JCAD: variants seen among roughly 807,000 people sequenced by gnomAD.
JCAD encodes the protein junctional cadherin 5-associated protein.
A neutral mutation model predicts 98.0 loss-of-function variants in JCAD; 40 were observed. The observed-to-expected ratio is 0.41, with a 90% CI of 0.32 to 0.53. The LOEUF is 0.53. Among genes scored for constraint, JCAD ranks in the 20% least tolerant of loss-of-function variants. The pLI, the probability that JCAD is intolerant of heterozygous loss-of-function variation, is 0.31. For missense variants in JCAD, 1,705 were observed against 1,738.1 expected (o/e 0.98, Z 0.34); for synonymous variants, 691 against 682.3 (o/e 1.01, Z -0.20).
chr10:30,023,550 T>C lies in JCAD; in HGVS notation c.4045+2553A>G, dbSNP rs79815755. ...CACACAATGACAAAACTGCTAATGA[T>C]GCATTTCTCAGAGTGCAGCCCCATT... is the stretch of plus-strand genomic sequence containing the variant. On this transcript the variant is annotated intron_variant, in intron 3 of 3. Coordinates refer to ENST00000375377, the MANE Select transcript of JCAD (RefSeq NM_020848.4). 2.4e-3 allele frequency among the ~76,000 whole-genome samples: 361 copies of C among 152,282 alleles called. 7 individuals are homozygous for C. In the East Asian group the frequency reaches 0.047, roughly 20 times the overall value.
chr10:30,029,308 G>A lies in JCAD; in HGVS notation c.840C>T (p.Cys280=), dbSNP rs778999582. The A allele has an allele frequency of 2.5e-6, 4 of 1,613,710 alleles. No individual in the cohort carries two copies. The highest frequency in any genetic ancestry group is 3.4e-6 in the Non-Finnish European group (4 of 1,179,980). Reference sequence around the variant, plus strand: ...ACTTAGGCCGGGGAAATGGGGCTGAGCAGCCACTCTTCTCAGAATTCCTCG... The same window carrying A: ...ACTTAGGCCGGGGAAATGGGGCTGAACAGCCACTCTTCTCAGAATTCCTCG... The part of the protein sequence containing the change: ...DSTRNSEKSG[C]SAPFPRPKFG... Residue 280 remains cysteine (C), a synonymous_variant, in exon 3 of 4, where the codon TGC becomes TGT. Coordinates refer to ENST00000375377, the MANE Select transcript of JCAD (RefSeq NM_020848.4).
intron 2 of JCAD, among the ~76,000 whole-genome samples, chr10:30,034,083 T>G (rs1837059168): frequency 6.7e-6 from 1 of 150,362 alleles, no homozygotes; most frequent in Non-Finnish European, 1.5e-5. Flanking sequence ...ATCGGCCGGG[T>G]GTGGTGGCGG....
At chr10:30,031,257 G>C (rs1836983595) in intron 2 of JCAD, among the ~76,000 whole-genome samples, 1 of 151,950 alleles carries the variant, frequency 6.6e-6, no homozygotes, top group Non-Finnish European at 1.5e-5. Context: ...CTCCCAAGTA[G>C]CTGGGACTGA....
intron 1 of JCAD, among the ~76,000 whole-genome samples, chr10:30,080,717 C>T (rs1333786973): frequency 1.3e-5 from 2 of 152,130 alleles, no homozygotes; most frequent in African/African-American, 4.8e-5. Flanking sequence ...GGCCCCCTGG[C>T]CCATCAGCCT....
chr10:30,044,434 C>A (rs1483195427), intron 2 of JCAD, among the ~76,000 whole-genome samples: 1 of 152,022 alleles, frequency 6.6e-6, no homozygotes, highest in African/African-American at 2.4e-5. Flanking sequence ...AGCCCTCAAC[C>A]AAGAAACTGC....
At chr10:30,104,605 C>T (rs1463298570) in intron 1 of JCAD, among the ~76,000 whole-genome samples, 1 of 152,174 alleles carries the variant, frequency 6.6e-6, no homozygotes, top group African/African-American at 2.4e-5. Flanking sequence ...GGTTGAACAG[C>T]TACCTGTTGG....
intron 1 of JCAD, among the ~76,000 whole-genome samples, chr10:30,048,116 T>C (rs879944892): frequency 5.9e-5 from 9 of 152,222 alleles, no homozygotes; most frequent in Admixed American, 5.9e-4. Flanking sequence ...CACCCTTCGA[T>C]GGCTGCCTCT....
intron 1 of JCAD, among the ~76,000 whole-genome samples, chr10:30,095,015 C>T (rs552412860): frequency 9.2e-5 from 14 of 152,120 alleles, no homozygotes; most frequent in African/African-American, 2.9e-4. Context: ...GATTTCAGCC[C>T]GGGGTGGATC....
chr10:30,100,190 TA>T (rs546663081), intron 1 of JCAD, among the ~76,000 whole-genome samples: 189 of 152,256 alleles, frequency 1.2e-3, no homozygotes, highest in African/African-American at 4.5e-3. Flanking sequence ...GAATTAAAAA[TA>T]AAATTTTACA....
In JCAD at chr10:30,091,071, C is replaced by T. The variant is rs371626014; in HGVS notation, n.129-21250G>A. ...AATCATCAAAACTCTGGAGGAGTAA[C>T]AACATGGTAACTTAAAGACAACCGA... On this transcript the variant is annotated intron_variant and non_coding_transcript_variant, in intron 1 of 2. Coordinates refer to the JCAD transcript ENST00000465712. 7.4e-4 allele frequency among the ~76,000 whole-genome samples: 113 copies of T among 152,294 alleles called. 1 individual carries two copies. Among genetic ancestry groups the T allele is most frequent in the African/African-American group, 2.5e-3 (103 of 41,558 alleles).
upstream of JCAD, among the ~76,000 whole-genome samples, chr10:30,064,040 T>G (rs576597152): frequency 1.2e-4 from 18 of 152,046 alleles, no homozygotes; most frequent in Non-Finnish European, 2.4e-4. Flanking sequence ...CTCCTGACCT[T>G]GCGATCTGCC....
intron 2 of JCAD, among the ~76,000 whole-genome samples, chr10:30,042,949 A>G (rs1232966820): frequency 6.6e-6 from 1 of 152,234 alleles, no homozygotes; most frequent in Non-Finnish European, 1.5e-5. Context: ...AAACGCTGGT[A>G]AAGTTACCAG....
intron 1 of JCAD, among the ~76,000 whole-genome samples, chr10:30,083,729 C>T (rs1838122805): frequency 6.6e-6 from 1 of 152,162 alleles, no homozygotes; most frequent in African/African-American, 2.4e-5. Flanking sequence ...GTGTTTAAGC[C>T]ATAAGAAAGA....
At chr10:30,067,308 T>C (rs1837800896) in intron 2 of JCAD, among the ~76,000 whole-genome samples, 1 of 151,958 alleles carries the variant, frequency 6.6e-6, no homozygotes, top group Non-Finnish European at 1.5e-5. Flanking sequence ...AAGGGAGAGA[T>C]GAGAACTACC....
rs564398256 is a variant in JCAD at position 30,020,845 on chromosome 10, C to T, written c.4046-2928G>A. ...GTGTGCGGTCATGAAATTATGAGAA[C>T]GTGTGGAAGTCACACTTCGGCTAGT... On this transcript the variant is annotated intron_variant, in intron 3 of 3. Transcript: ENST00000375377. Among the ~76,000 whole-genome samples, 19 of 152,276 alleles carry T rather than the reference C, an allele frequency of 1.2e-4. 2 individuals carry two copies. The South Asian group carries it at 3.1e-3, about 25-fold the overall frequency.
In JCAD at chr10:30,059,030, A is replaced by C. The variant is rs1345706337; in HGVS notation, c.-60+452T>G. On this transcript the variant is annotated intron_variant, in intron 1 of 3. Transcript: ENST00000375377. This position sits in a 1 kb window ranked among gnomAD's most constrained non-coding sequence, Gnocchi z 5.0. ...CGCGGCGGCTGTCAGCTCTGGGGTGAGGTCCGCGAGATCTGGGCGCGAGGG... is the reference window on the plus strand; with the variant it reads ...CGCGGCGGCTGTCAGCTCTGGGGTGCGGTCCGCGAGATCTGGGCGCGAGGG... Among the ~76,000 whole-genome samples, 1 of 151,918 alleles carries C rather than the reference A, an allele frequency of 6.6e-6. No homozygotes were observed. Among genetic ancestry groups the C allele is most frequent in the African/African-American group, 2.4e-5 (1 of 41,364 alleles).
intron 1 of JCAD, among the ~76,000 whole-genome samples, chr10:30,112,871 CAAA>C (rs57740787): frequency 7.1e-5 from 7 of 99,084 alleles, no homozygotes; most frequent in Admixed American, 1.1e-4. Flanking sequence ...GACTCCATCT[CAAA>C]AAAAAAAAAA....
At chr10:30,050,613 G>A (rs1365329924) in intron 1 of JCAD, among the ~76,000 whole-genome samples, 1 of 152,186 alleles carries the variant, frequency 6.6e-6, no homozygotes, top group African/African-American at 2.4e-5. Context: ...TTGTCAGAAT[G>A]GCAGAGAAGA....
At chr10:30,095,223 A>G (rs1400668797) in intron 1 of JCAD, among the ~76,000 whole-genome samples, 1 of 152,180 alleles carries the variant, frequency 6.6e-6, no homozygotes, top group Non-Finnish European at 1.5e-5. Flanking sequence ...CCCATGATGG[A>G]CAAGTTCATG....
Sources: allele counts gnomAD v4.1 joint callset (sites outside exome capture counted in the v4.1 genomes callset), GRCh38; gene constraint gnomAD v4.1.1; non-coding constraint Gnocchi (gnomAD v3.1); transcripts MANE v1.5; gene names NCBI Gene and HGNC (gene_info 2026-07-23, HGNC 2026-07-21).